The following PAK5 variants were observed in gnomAD, a reference collection of about 807,000 sequenced individuals.
PAK5 encodes the protein serine/threonine-protein kinase PAK 5.
PAK5 carries 16 observed loss-of-function variants against 65.9 expected under a neutral mutation model. That is an observed-to-expected ratio of 0.24 (90% CI 0.16 to 0.37). The LOEUF is 0.37. Ranked by LOEUF, PAK5 falls within the 10% of genes least tolerant of loss-of-function variation. The pLI, the probability that PAK5 is intolerant of heterozygous loss-of-function variation, is 1.00. For missense variants in PAK5, 785 were observed against 903.9 expected (o/e 0.87, Z 1.69); for synonymous variants, 371 against 354.9 (o/e 1.05, Z -0.51).
At chr20:9,733,358 T>A (rs577265267) in intron 1 of PAK5, among the ~76,000 whole-genome samples, 1 of 152,180 alleles carries the variant, frequency 6.6e-6, no homozygotes, top group East Asian at 1.9e-4. Flanking sequence ...CTAATTAGCA[T>A]ATTCAACACC....
At chr20:9,804,343 C>G (rs183041246) in intron 1 of PAK5, among the ~76,000 whole-genome samples, 1 of 152,276 alleles carries the variant, frequency 6.6e-6, no homozygotes, top group East Asian at 1.9e-4. Context: ...TTCAAGTAAT[C>G]TTTCAAATCA....
At chr20:9,737,682 A>G (rs1176304304) in intron 1 of PAK5, among the ~76,000 whole-genome samples, 2 of 152,254 alleles carry the variant, frequency 1.3e-5, no homozygotes, top group Non-Finnish European at 2.9e-5. Context: ...GCCTTTAATG[A>G]ATAGCCCTTC....
chr20:9,553,259 A>G (rs886864509), intron 7 of PAK5, among the ~76,000 whole-genome samples: 1 of 152,168 alleles, frequency 6.6e-6, no homozygotes, highest in Admixed American at 6.6e-5. Context: ...TAGTCAGCTA[A>G]CCAAGGGAAG....
intron 1 of PAK5, among the ~76,000 whole-genome samples, chr20:9,762,988 T>C (rs2123652452): frequency 6.6e-6 from 1 of 152,196 alleles, no homozygotes; most frequent in South Asian, 2.1e-4. Flanking sequence ...CTAGAGGACA[T>C]TATGCTAAGT....
At chr20:9,788,803 C>T (rs2049019905) in intron 1 of PAK5, among the ~76,000 whole-genome samples, 1 of 152,094 alleles carries the variant, frequency 6.6e-6, no homozygotes, top group Admixed American at 6.6e-5. Context: ...TAGAGTTTTA[C>T]CCCCACCTCC....
At chr20:9,789,198 TG>T (rs2049024086) in intron 1 of PAK5, among the ~76,000 whole-genome samples, 1 of 152,186 alleles carries the variant, frequency 6.6e-6, no homozygotes, top group Admixed American at 6.5e-5. Flanking sequence ...CTCTAATTGG[TG>T]GGTTTTCTTT....
At chr20:9,620,695 T>C (rs1473135669) in intron 3 of PAK5, among the ~76,000 whole-genome samples, 1 of 151,942 alleles carries the variant, frequency 6.6e-6, no homozygotes. Context: ...AGATGTGGTG[T>C]TTAAAAGCTA....
At chr20:9,742,295 A>G (rs2048458835) in intron 1 of PAK5, among the ~76,000 whole-genome samples, 1 of 152,144 alleles carries the variant, frequency 6.6e-6, no homozygotes. Context: ...GTGAAAGAAA[A>G]TTGTCTTACT....
chr20:9,789,014 G>A (rs1286541921), intron 1 of PAK5, among the ~76,000 whole-genome samples: 2 of 152,314 alleles, frequency 1.3e-5, no homozygotes, highest in Middle Eastern at 6.8e-3. Context: ...ACAACTATTG[G>A]AATATGGGAG....
intron 1 of PAK5, among the ~76,000 whole-genome samples, chr20:9,768,620 T>G (rs991187715): frequency 6.6e-6 from 1 of 151,740 alleles, no homozygotes; most frequent in East Asian, 1.9e-4. Flanking sequence ...CTGTCTCTAC[T>G]AAAAATACAA....
Position 9,616,667 on chromosome 20 carries a change from G to A in PAK5, c.204+27458C>T, listed in dbSNP as rs113710883. On this transcript the variant is annotated intron_variant, in intron 3 of 9. Coordinates refer to ENST00000353224, the MANE Select transcript of PAK5 (RefSeq NM_177990.4). ...TGCACTGTGGGATGTGGGGCTCTAT[G>A]GCACAGCAGGGTGATAATACACTGG... Among the ~76,000 whole-genome samples, 277 of 152,296 alleles carry A rather than the reference G, an allele frequency of 1.8e-3. 2 individuals carry two copies. Among genetic ancestry groups the A allele is most frequent in the African/African-American group, 6.5e-3 (270 of 41,566 alleles).
At chr20:9,646,382 G>A (rs950834893) in intron 2 of PAK5, among the ~76,000 whole-genome samples, 1 of 152,132 alleles carries the variant, frequency 6.6e-6, no homozygotes, top group South Asian at 2.1e-4. Context: ...AGACTAATTT[G>A]GAAGGGCTGT....
At chr20:9,813,605 G>C (rs1195530459) in intron 1 of PAK5, among the ~76,000 whole-genome samples, 1 of 152,028 alleles carries the variant, frequency 6.6e-6, no homozygotes, top group Non-Finnish European at 1.5e-5. Flanking sequence ...TGTCCACCAA[G>C]AGCAGAAAAA....
chr20:9,539,461 C>A lies in PAK5; in HGVS notation c.*1G>T. 7 of 1,613,780 alleles carry A rather than the reference C, an allele frequency of 4.3e-6. No individual in the cohort carries two copies. Among genetic ancestry groups the A allele is most frequent in the Non-Finnish European group, 5.1e-6 (6 of 1,179,728 alleles). On this transcript the variant is annotated 3_prime_UTR_variant, in exon 10 of 10. Transcript: ENST00000353224. ...CTTTGCCACCTACACGAATCCTCTG[C>A]TCAGTGATGCCTGTATTGTCTCATG...
intron 4 of PAK5, among the ~76,000 whole-genome samples, chr20:9,567,907 G>A (rs760555072): frequency 7.2e-5 from 11 of 152,232 alleles, no homozygotes; most frequent in African/African-American, 1.9e-4. Context: ...AGGGGGTTCC[G>A]TTGGAGCAGA....
intron 5 of PAK5, 90 bp downstream of exon 5, chr20:9,565,803 T>C: frequency 1.5e-6 from 2 of 1,308,752 alleles, no homozygotes; most frequent in Non-Finnish European, 2.1e-6. Context: ...AGTGCTTTTC[T>C]AATGTCCTAA....
intron 2 of PAK5, among the ~76,000 whole-genome samples, chr20:9,693,749 A>C (rs749923085): frequency 6.6e-6 from 1 of 152,160 alleles, no homozygotes; most frequent in Non-Finnish European, 1.5e-5. Flanking sequence ...AAAGATACGC[A>C]TTACGACCAG....
At chr20:9,670,661 T>C (rs113167473) in intron 2 of PAK5, among the ~76,000 whole-genome samples, 22 of 152,336 alleles carry the variant, frequency 1.4e-4, no homozygotes, top group African/African-American at 5.3e-4. Flanking sequence ...TCATTGTAGA[T>C]TCTGGATATT....
At chr20:9,804,355 GCA>G (rs1491388141) in intron 1 of PAK5, among the ~76,000 whole-genome samples, 3 of 152,100 alleles carry the variant, frequency 2.0e-5, no homozygotes, top group Admixed American at 6.6e-5. Flanking sequence ...TTCAAATCAG[GCA>G]CAGAGGATAG....
Sources: allele counts gnomAD v4.1 joint callset (sites outside exome capture counted in the v4.1 genomes callset), GRCh38; gene constraint gnomAD v4.1.1; transcripts MANE v1.5; gene names NCBI Gene and HGNC (gene_info 2026-07-23, HGNC 2026-07-21).